UST: variants seen among roughly 807,000 people sequenced by gnomAD.
The protein encoded by UST is uronyl 2-sulfotransferase.
Under a neutral mutation model 45.6 loss-of-function variants are expected in UST, and 21 were observed. The ratio of observed to expected loss-of-function variants is 0.46; its 90% CI spans 0.33 to 0.66. The LOEUF is 0.66. UST is among the 30% of genes least tolerant of loss of function. The pLI, the probability that UST is intolerant of heterozygous loss-of-function variation, is 0.02. For missense variants in UST, 463 were observed against 512.4 expected (o/e 0.90, Z 0.93); for synonymous variants, 215 against 200.6 (o/e 1.07, Z -0.61).
intron 1 of UST, among the ~76,000 whole-genome samples, chr6:148,860,832 C>A (rs1411175968): frequency 1.3e-5 from 2 of 152,166 alleles, no homozygotes; most frequent in Non-Finnish European, 2.9e-5. Flanking sequence ...AGCCTTGCAT[C>A]CCAGGGATGA....
At chr6:149,071,138 G>A (rs369982701) in intron 7 of UST, among the ~76,000 whole-genome samples, 1 of 152,114 alleles carries the variant, frequency 6.6e-6, no homozygotes, top group African/African-American at 2.4e-5. Context: ...TCAAATAATA[G>A]GTCTTATTCA....
intron 1 of UST, among the ~76,000 whole-genome samples, chr6:148,762,997 C>G (rs1582795223): frequency 6.6e-6 from 1 of 152,234 alleles, no homozygotes; most frequent in East Asian, 1.9e-4. Flanking sequence ...TAGAATGATT[C>G]TTTTCCTTCC....
chr6:149,009,601 C>T (rs1255434730), intron 5 of UST, among the ~76,000 whole-genome samples: 1 of 148,442 alleles, frequency 6.7e-6, no homozygotes, highest in African/African-American at 2.5e-5. Flanking sequence ...ACACACATCA[C>T]CTGCAAGTTA....
intron 7 of UST, among the ~76,000 whole-genome samples, chr6:149,030,488 A>AC (rs1392942897): frequency 6.6e-6 from 1 of 151,274 alleles, no homozygotes; most frequent in Non-Finnish European, 1.5e-5. Flanking sequence ...AAAAAAAAAA[A>AC]ATTAAAATTA....
At chr6:148,800,774 ATTTTTTTTTT>A (rs35096958) in intron 1 of UST, among the ~76,000 whole-genome samples, 7 of 116,962 alleles carry the variant, frequency 6.0e-5, no homozygotes, top group Admixed American at 5.7e-4. Context: ...TTCAGATCAG[ATTTTTTTTTT>A]TTTTTTTTTT....
At chr6:148,909,814 G>T (rs545411333) in intron 2 of UST, among the ~76,000 whole-genome samples, 3 of 152,088 alleles carry the variant, frequency 2.0e-5, no homozygotes, top group South Asian at 4.1e-4. Flanking sequence ...TGTCCCCCCC[G>T]CCACAGCAAA....
rs141216605 is a variant in UST, at chr6:148,935,051, C to G, written c.292-6228C>G. ...CCACATTTACTTTTTACCTAGAAAGCCTTCCTTCTCTTCTCCCCATTTCAA... is the reference window on the plus strand; with the variant it reads ...CCACATTTACTTTTTACCTAGAAAGGCTTCCTTCTCTTCTCCCCATTTCAA... On this transcript the variant is annotated intron_variant, in intron 2 of 7. Transcript: ENST00000367463. Among the ~76,000 whole-genome samples, 7 of 152,138 alleles carry G rather than the reference C, an allele frequency of 4.6e-5. No homozygotes were observed. The South Asian group carries it at 1.0e-3, about 22-fold the overall frequency.
intron 1 of UST, 51 bp downstream of exon 1, chr6:148,747,728 C>T (rs757987770): frequency 2.6e-6 from 4 of 1,510,664 alleles, no homozygotes; most frequent in East Asian, 2.5e-5. Context: ...CAAAGTTGTG[C>T]GGCGGGGAGA....
At chr6:148,848,125 A>C (rs1389138356) in intron 1 of UST, among the ~76,000 whole-genome samples, 3 of 152,234 alleles carry the variant, frequency 2.0e-5, no homozygotes, top group Non-Finnish European at 2.9e-5. Context: ...TGTTGGGAGA[A>C]TCTTTTTAAG....
intron 3 of UST, among the ~76,000 whole-genome samples, chr6:148,947,283 G>A (rs551325850): frequency 7.9e-5 from 12 of 152,210 alleles, no homozygotes; most frequent in South Asian, 2.1e-4. Context: ...CATGCTTAGC[G>A]TTCCAATAAT....
chr6:148,912,237 G>A (rs6908004), intron 2 of UST, among the ~76,000 whole-genome samples: 41,878 of 152,122 alleles, frequency 0.28, 6,162 homozygotes, highest in Non-Finnish European at 0.33. Context: ...CTATCTATGC[G>A]TCTTTTATGT....
chr6:148,782,595 C>T (rs1034192322), intron 1 of UST, among the ~76,000 whole-genome samples: 12 of 152,014 alleles, frequency 7.9e-5, no homozygotes, highest in Admixed American at 6.5e-5. Context: ...GGATTACAGG[C>T]GCCTGCCACC....
chr6:148,749,581 C>G (rs1332812678), intron 1 of UST, among the ~76,000 whole-genome samples: 1 of 152,162 alleles, frequency 6.6e-6, no homozygotes, highest in East Asian at 1.9e-4. Context: ...CACCCAGCTC[C>G]TAAAGTTTTG....
intron 2 of UST, among the ~76,000 whole-genome samples, chr6:148,916,967 C>T (rs1321865128): frequency 6.6e-6 from 1 of 152,248 alleles, no homozygotes; most frequent in Admixed American, 6.5e-5. Flanking sequence ...GCCCTCCTTC[C>T]CTTCCTCCCT....
chr6:149,010,305 A>ACTCTCTGT (rs1459409366), intron 5 of UST, among the ~76,000 whole-genome samples: 1 of 152,060 alleles, frequency 6.6e-6, no homozygotes, highest in Non-Finnish European at 1.5e-5. Flanking sequence ...TGTTTTCCAG[A>ACTCTCTGT]CTCTCTGTGA....
intron 2 of UST, among the ~76,000 whole-genome samples, chr6:148,891,899 G>C (rs990449538): frequency 2.6e-5 from 4 of 152,158 alleles, no homozygotes; most frequent in African/African-American, 9.6e-5. Context: ...TGTATACTTA[G>C]CTACCTTCAG....
intron 5 of UST, among the ~76,000 whole-genome samples, chr6:148,978,318 C>T (rs1278093007): frequency 6.6e-6 from 1 of 152,140 alleles, no homozygotes; most frequent in African/African-American, 2.4e-5. Flanking sequence ...GATTATACAT[C>T]ACATACATTT....
intron 5 of UST, among the ~76,000 whole-genome samples, chr6:148,997,561 ATGCAGG>A (rs1233012393): frequency 1.2e-3 from 186 of 152,334 alleles, no homozygotes; most frequent in African/African-American, 4.4e-3. Flanking sequence ...TTTTTATTAT[ATGCAGG>A]TACATCTTAG....
At chr6:148,809,561 G>A (rs538029881) in intron 1 of UST, among the ~76,000 whole-genome samples, 1 of 152,296 alleles carries the variant, frequency 6.6e-6, no homozygotes, top group East Asian at 1.9e-4. Flanking sequence ...GCAGTCTTCT[G>A]TATCCTTAGC....
Sources: gnomAD v4.1 joint callset for allele counts (sites outside exome capture counted in the v4.1 genomes callset) on GRCh38, gnomAD v4.1.1 for gene constraint, MANE v1.5 for transcripts, NCBI Gene and HGNC (gene_info 2026-07-23, HGNC 2026-07-21) for gene names.